TRAF5: variants seen among roughly 807,000 people sequenced by gnomAD.
TRAF5 encodes TNF receptor-associated factor 5.
In TRAF5, 48 loss-of-function variants were observed where a neutral mutation model predicts 64.5. The ratio of observed to expected loss-of-function variants is 0.74; its 90% CI spans 0.59 to 0.95. The LOEUF (loss-of-function observed/expected upper bound fraction) is 0.95. TRAF5 is among the 40% of genes least tolerant of loss of function. TRAF5 has a pLI of 0.00. For missense variants in TRAF5, 545 were observed against 662.8 expected, an observed-to-expected ratio of 0.82 and a Z score of 1.95; for synonymous variants, 206 against 240.5, an observed-to-expected ratio of 0.86 and a Z score of 1.33.
At chr1:211,361,617 G>T (rs1042501906) in intron 7 of TRAF5, among the ~76,000 whole-genome samples, 8 of 149,640 alleles carry the variant, frequency 5.3e-5, no homozygotes, top group Non-Finnish European at 8.9e-5. Context: ...ATATAGACTT[G>T]TTTTGAGCAA....
At chr1:211,341,871 T>C (rs1291345130) in intron 1 of TRAF5, among the ~76,000 whole-genome samples, 1 of 152,196 alleles carries the variant, frequency 6.6e-6, no homozygotes, top group African/African-American at 2.4e-5. Context: ...AGTGTAACCA[T>C]GAATTCAAAA....
chr1:211,326,823 G>C (rs1702026081), upstream of TRAF5: 4 of 984,374 alleles, frequency 4.1e-6, no homozygotes, highest in Non-Finnish European at 4.8e-6. This position sits in a 1 kb window ranked among gnomAD's most constrained non-coding sequence, Gnocchi z 5.0. Flanking sequence ...CGCCGCCGCC[G>C]GCCGCAGCCA....
At chr1:211,363,910 CAAAA>C (rs35539677) in intron 7 of TRAF5, among the ~76,000 whole-genome samples, 2 of 85,734 alleles carry the variant, frequency 2.3e-5, no homozygotes, top group Non-Finnish European at 4.6e-5. Flanking sequence ...GACCCTGTCT[CAAAA>C]AAAAAAAAAA....
At chr1:211,362,687 A>G (rs781027111) in intron 7 of TRAF5, among the ~76,000 whole-genome samples, 1 of 152,292 alleles carries the variant, frequency 6.6e-6, no homozygotes, top group South Asian at 2.1e-4. Context: ...CAAAATAAAC[A>G]AACGAAAAAA....
intron 1 of TRAF5, among the ~76,000 whole-genome samples, chr1:211,334,179 G>A (rs966316018): frequency 6.6e-6 from 1 of 152,200 alleles, no homozygotes; most frequent in African/African-American, 2.4e-5. Context: ...CTGCCGAGGG[G>A]GAATCACACA....
chr1:211,371,150 A>G, intron 9 of TRAF5, 152 bp from the exon 10 acceptor site: 1 of 713,410 alleles, frequency 1.4e-6, no homozygotes, highest in Non-Finnish European at 2.2e-6. Flanking sequence ...TCTCTCTGTG[A>G]TCCTCATTGA....
At chr1:211,346,826 C>T (rs1702622759) in intron 1 of TRAF5, among the ~76,000 whole-genome samples, 1 of 152,198 alleles carries the variant, frequency 6.6e-6, no homozygotes, top group Admixed American at 6.5e-5. Context: ...TAAATGGTGG[C>T]ATCCACAGCT....
At chr1:211,362,824 C>T (rs532309853) in intron 7 of TRAF5, among the ~76,000 whole-genome samples, 2 of 151,752 alleles carry the variant, frequency 1.3e-5, no homozygotes, top group Non-Finnish European at 2.9e-5. Context: ...AGTCAAATAG[C>T]AAACAGTGAA....
intron 1 of TRAF5, among the ~76,000 whole-genome samples, chr1:211,328,362 C>G (rs903444162): frequency 6.6e-6 from 1 of 152,244 alleles, no homozygotes; most frequent in Non-Finnish European, 1.5e-5. Flanking sequence ...TGGATCACCT[C>G]TCAGATCCCT....
chr1:211,343,906 C>T lies in TRAF5; in HGVS notation c.-1-9333C>T, dbSNP rs548405193. On this transcript the variant is annotated intron_variant, in intron 1 of 10. Transcript: ENST00000261464. ...AGTGGGGACTGTTACAGAGCTGGAG[C>T]CAAGGATGGGGGCTTCCTAGTGGAG... is the stretch of plus-strand genomic sequence containing the variant. Among the ~76,000 whole-genome samples the T allele has an allele frequency of 4.6e-5, 7 of 152,198 alleles. No individual in the cohort carries two copies. The East Asian group carries it at 1.4e-3, about 29-fold the overall frequency.
At position 211,361,180 on chromosome 1, in the gene TRAF5, G is replaced by T; in HGVS notation, c.696+18G>T. The T allele has an allele frequency of 6.2e-7, 1 of 1,610,608 alleles. No homozygotes were observed. The highest frequency in any genetic ancestry group is 8.5e-7 in the Non-Finnish European group (1 of 1,176,978). On this transcript the variant is annotated intron_variant, in intron 7 of 10. Transcript: ENST00000261464. ...CTGTAACGGTATGGAATGACTTTTTGTTTCTGCCTATACATTCTACTGTAT... is the reference window on the plus strand; with the variant it reads ...CTGTAACGGTATGGAATGACTTTTTTTTTCTGCCTATACATTCTACTGTAT...
intron 1 of TRAF5, among the ~76,000 whole-genome samples, chr1:211,328,454 G>A (rs774470149): frequency 2.6e-5 from 4 of 152,178 alleles, no homozygotes; most frequent in African/African-American, 7.2e-5. Context: ...CTTCTCCCAC[G>A]GCCTCTGGGC....
At chr1:211,371,583 C>A in intron 10 of TRAF5, 113 bp downstream of exon 10, 2 of 1,070,112 alleles carry the variant, frequency 1.9e-6, no homozygotes, top group Non-Finnish European at 2.7e-6. Flanking sequence ...TAAACAATGG[C>A]TGAATCTGCT....
At chr1:211,354,313 C>T (rs1207733259) in intron 2 of TRAF5, 97 bp from the exon 3 acceptor site, 5 of 1,183,574 alleles carry the variant, frequency 4.2e-6, no homozygotes. Flanking sequence ...GACCAGCCTG[C>T]CCAGGGCTAG....
chr1:211,353,138 A>T, intron 1 of TRAF5, 101 bp from the exon 2 acceptor site: 1 of 1,136,716 alleles, frequency 8.8e-7, no homozygotes, highest in Non-Finnish European at 1.3e-6. Flanking sequence ...CATGTGAATG[A>T]TGTACACTAA....
intron 8 of TRAF5, among the ~76,000 whole-genome samples, chr1:211,367,636 G>A (rs1703398784): frequency 1.3e-5 from 2 of 152,184 alleles, no homozygotes; most frequent in African/African-American, 2.4e-5. Flanking sequence ...GTAGGGAGGG[G>A]ACATGGTAAT....
chr1:211,330,737 C>T (rs901248479), intron 1 of TRAF5, among the ~76,000 whole-genome samples: 37 of 152,186 alleles, frequency 2.4e-4, no homozygotes, highest in African/African-American at 8.7e-4. Context: ...GCAGCTATTA[C>T]TTATCTCCTT....
chr1:211,362,477 C>G (rs989546858), intron 7 of TRAF5, among the ~76,000 whole-genome samples: 2 of 151,970 alleles, frequency 1.3e-5, no homozygotes, highest in Non-Finnish European at 2.9e-5. Context: ...GTCAGGAGTT[C>G]GAGAGCAGCC....
intron 1 of TRAF5, among the ~76,000 whole-genome samples, chr1:211,339,048 T>C (rs1359879862): frequency 6.6e-6 from 1 of 152,188 alleles, no homozygotes; most frequent in Non-Finnish European, 1.5e-5. Context: ...GGGTACATTT[T>C]CTCCCAGCTG....
Sources: gnomAD v4.1 joint callset for allele counts (sites outside exome capture counted in the v4.1 genomes callset) on GRCh38, gnomAD v4.1.1 for gene constraint, Gnocchi (gnomAD v3.1) non-coding constraint, MANE v1.5 for transcripts, NCBI Gene and HGNC (gene_info 2026-07-23, HGNC 2026-07-21) for gene names.